MICB: variants seen among roughly 807,000 people sequenced by gnomAD.
MICB encodes the protein MHC class I polypeptide-related sequence B.
MICB carries 27 observed loss-of-function variants against 34.3 expected under a neutral mutation model. The ratio of observed to expected loss-of-function variants is 0.79; its 90% CI spans 0.58 to 1.08. The LOEUF (loss-of-function observed/expected upper bound fraction) is 1.08, where lower values mean the gene tolerates loss of function less well. MICB is among the 50% of genes least tolerant of loss of function. MICB has a pLI of 0.00. For missense variants in MICB, 426 were observed against 483.1 expected, an observed-to-expected ratio of 0.88 and a Z score of 1.11; for synonymous variants, 153 against 187.4, an observed-to-expected ratio of 0.82 and a Z score of 1.50.
At chr6:31,505,892 G>C in intron 2 of MICB, 21 bp downstream of exon 2, 1 of 1,574,970 alleles carries the variant, frequency 6.3e-7, no homozygotes, top group Non-Finnish European at 8.6e-7. Flanking sequence ...GCAGGGGCAA[G>C]AGTAATGGGA....
intron 1 of MICB, among the ~76,000 whole-genome samples, chr6:31,500,848 T>C (rs1168301788): frequency 1.3e-5 from 2 of 152,242 alleles, no homozygotes; most frequent in African/African-American, 2.4e-5. Flanking sequence ...CTTAGGTCGC[T>C]TGCAGATCTT....
At position 31,506,279 on chromosome 6, in the gene MICB, G is replaced by A. The variant is rs770474759; in HGVS notation, c.462G>A (p.Gln154=). 4.3e-6 allele frequency: 7 copies of A among 1,614,112 alleles called. No homozygotes were observed. The East Asian group carries it at 8.9e-5, about 21-fold the overall frequency. The change falls in exon 3 of 6, where the codon CAG becomes CAA. Residue 154 remains glutamine (Q), a synonymous_variant. Coordinates refer to ENST00000252229, the MANE Select transcript of MICB (RefSeq NM_005931.5). Reference sequence around the variant, plus strand: ...AGACTCAAGAATCGACAGTGCCCCAGTCCTCCAGAGCTCAGACCTTGGCTA... The same window carrying A: ...AGACTCAAGAATCGACAGTGCCCCAATCCTCCAGAGCTCAGACCTTGGCTA... ...NLETQESTVP[Q]SSRAQTLAMN...
chr6:31,507,498 T>G lies in MICB; in HGVS notation c.991T>G (p.Cys331Gly). 1 of 1,614,228 alleles carries G rather than the reference T, an allele frequency of 6.2e-7. No homozygotes were observed. The highest frequency in any genetic ancestry group is 2.2e-5 in the East Asian group (1 of 44,894). ...TATTATTATTCTCTGTGTCCCTTGT[T>G]GCAAGAAGAAAACATCAGCGGCAGA... ...VIIIILCVPC[C>G]KKKTSAAEGP... Residue 331 changes from cysteine (C) to glycine (G), a missense_variant, in exon 5 of 6, where the codon TGC becomes GGC. By Grantham distance (159) the Cys-to-Gly change is radical (BLOSUM62 -3). Transcript: ENST00000252229. This position sits in a 1 kb window ranked among gnomAD's most constrained non-coding sequence, Gnocchi z 6.0.
chr6:31,505,662 G>A lies in MICB; in HGVS notation c.116G>A (p.Gly39Glu), dbSNP rs45578846. Residue 39 changes from glycine to glutamate, a missense_variant, in exon 2 of 6, where the codon GGA (glycine) becomes GAA (glutamate). Physicochemically the swap from Gly to Glu is moderately conservative, Grantham distance 98. Transcript: ENST00000252229. ...AACCTCATGGTGCTGTCCCAGGATGGATCTGTGCAGTCAGGGTTTCTCGCT... is the reference window on the plus strand; with the variant it reads ...AACCTCATGGTGCTGTCCCAGGATGAATCTGTGCAGTCAGGGTTTCTCGCT... ...RYNLMVLSQD[G>E]SVQSGFLAEG... 6.2e-7 allele frequency: 1 copy of A among 1,612,916 alleles called. No individual in the cohort carries two copies. Among genetic ancestry groups the A allele is most frequent in the Non-Finnish European group, 8.5e-7 (1 of 1,179,934 alleles).
intron 5 of MICB, among the ~76,000 whole-genome samples, chr6:31,509,456 G>C (rs1236167219): frequency 6.6e-6 from 1 of 152,124 alleles, no homozygotes; most frequent in Non-Finnish European, 1.5e-5. Context: ...TCTCTTTGGG[G>C]AGGCCTCTCA....
intron 1 of MICB, among the ~76,000 whole-genome samples, chr6:31,500,201 T>C (rs1477078038): frequency 6.6e-6 from 1 of 151,916 alleles, no homozygotes; most frequent in African/African-American, 2.4e-5. Flanking sequence ...CCCTCCAGCA[T>C]TACTCCTTTT....
chr6:31,504,154 A>C (rs1039371146), intron 1 of MICB, among the ~76,000 whole-genome samples: 1 of 149,332 alleles, frequency 6.7e-6, no homozygotes, highest in African/African-American at 2.5e-5. Flanking sequence ...TCCCCCACAT[A>C]GCTTCTCATG....
rs774707886 is a variant in MICB at position 31,507,439 on chromosome 6, CAT to C, written c.935_936del (p.Tyr312CysfsTer69). On this transcript the variant is annotated frameshift_variant, in exon 5 of 6. Coordinates refer to ENST00000252229, the MANE Select transcript of MICB (RefSeq NM_005931.5). LOFTEE classifies it high-confidence loss of function. This position sits in a 1 kb window ranked among gnomAD's most constrained non-coding sequence, Gnocchi z 6.0. ...CTTCAGAGTCAACGGACAGACTTTC[CAT>C]ATGTTTCTGCTGCTATGCCATGTTT... 9 of 1,613,984 alleles carry C rather than the reference CAT, an allele frequency of 5.6e-6. No individual in the cohort carries two copies. Among genetic ancestry groups the C allele is most frequent in the African/African-American group, 1.3e-5 (1 of 74,892 alleles).
At position 31,506,348 on chromosome 6, in the gene MICB, GAC is replaced by G; in HGVS notation, c.536_537del (p.His179LeufsTer80). The G allele has an allele frequency of 6.2e-7, 1 of 1,614,208 alleles. No homozygotes were observed. Among genetic ancestry groups the G allele is most frequent in the Non-Finnish European group, 8.5e-7 (1 of 1,180,038 alleles). The stretch of plus-strand genomic sequence containing the variant: ...GGAAGGAAGATGCCATGAAGACCAA[GAC>G]ACACTATCGCGCTATGCAGGCAGAC... ...FWKEDAMKTK[T>X]HYRAMQADCL... On this transcript the variant is annotated frameshift_variant, in exon 3 of 6. Transcript: ENST00000252229. LOFTEE classifies it high-confidence loss of function.
upstream of MICB, among the ~76,000 whole-genome samples, chr6:31,497,315 T>C (rs538118940): frequency 6.6e-6 from 1 of 152,230 alleles, no homozygotes; most frequent in South Asian, 2.1e-4. Context: ...AGAGTCCTTG[T>C]AGATCTGTCA....
chr6:31,506,109 C>G (rs1326352534), intron 2 of MICB, 34 bp from the exon 3 acceptor site: 7 of 1,587,760 alleles, frequency 4.4e-6, no homozygotes, highest in Non-Finnish European at 6.0e-6. Context: ...GTGATGGGTT[C>G]GGGAATGGAG....
chr6:31,494,964 C>CCT (rs9281505), upstream of MICB: 4 of 155,322 alleles, frequency 2.6e-5, no homozygotes, highest in Non-Finnish European at 2.8e-5. Context: ...AGGAGGAAGT[C>CCT]GCCTCTGTGC....
chr6:31,502,222 C>T (rs1224172004), intron 1 of MICB, among the ~76,000 whole-genome samples: 1 of 152,136 alleles, frequency 6.6e-6, no homozygotes, highest in Non-Finnish European at 1.5e-5. Flanking sequence ...GTAATCCCAG[C>T]TACTCAGGAA....
At position 31,504,254 on chromosome 6, in the gene MICB, C is replaced by CTTTTT. The variant is rs9281513; in HGVS notation, c.71-1344_71-1340dup. Among the ~76,000 whole-genome samples the CTTTTT allele has an allele frequency of 6.5e-3, 394 of 60,256 alleles. 38 individuals are homozygous for CTTTTT. The highest frequency in any genetic ancestry group is 0.029 in the Middle Eastern group (1 of 34). The allele number at this position is 60,256 out of a possible 152,430, so 39.5% of individuals were successfully genotyped here. On this transcript the variant is annotated intron_variant, in intron 1 of 5. Transcript: ENST00000252229. The stretch of plus-strand genomic sequence containing the variant: ...TCTGGAAACTAATCTCTCTCTTTTT[C>CTTTTT]TTTTTTTTTTTTTTTTTTTTTTTGA...
At chr6:31,500,911 T>C (rs1031622671) in intron 1 of MICB, among the ~76,000 whole-genome samples, 1 of 150,042 alleles carries the variant, frequency 6.7e-6, no homozygotes, top group African/African-American at 2.5e-5. Flanking sequence ...AGCTCTTTAA[T>C]ATACCGATTT....
In MICB at chr6:31,507,604, C is replaced by G. The variant is rs566742548; in HGVS notation, c.1024+73C>G. 1.3e-6 allele frequency: 2 copies of G among 1,573,748 alleles called. No homozygotes were observed. The highest frequency in any genetic ancestry group is 2.7e-5 in the African/African-American group (2 of 73,848). ...CAGTAGGGTCTCCTCATTGCTCCTG[C>G]CCAGACAAGACGTAGGTGACAAGGC... On this transcript the variant is annotated intron_variant, in intron 5 of 5. Transcript: ENST00000252229. This position sits in a 1 kb window ranked among gnomAD's most constrained non-coding sequence, Gnocchi z 6.0.
Position 31,506,939 on chromosome 6 carries a change from A to G in MICB, c.614-83A>G. 9 of 1,549,830 alleles carry G rather than the reference A, an allele frequency of 5.8e-6. No homozygotes were observed. The South Asian group carries it at 1.1e-4, about 19-fold the overall frequency. Reference sequence around the variant, plus strand: ...CTGTGAGGGATTCAGCCAGAGTGAGAACAGTGGAGAGGAGCAGCCCTGTTC... The same window carrying G: ...CTGTGAGGGATTCAGCCAGAGTGAGGACAGTGGAGAGGAGCAGCCCTGTTC... On this transcript the variant is annotated intron_variant, in intron 3 of 5. Coordinates refer to ENST00000252229, the MANE Select transcript of MICB (RefSeq NM_005931.5).
In MICB at chr6:31,505,888, G is replaced by A. The variant is rs753044488; in HGVS notation, c.325+17G>A. 5.1e-6 allele frequency: 8 copies of A among 1,583,144 alleles called. No individual in the cohort carries two copies. In the African/African-American group the frequency reaches 8.1e-5, roughly 16 times the overall value. The stretch of plus-strand genomic sequence containing the variant: ...AGAAAGGAGGTGAGAGTCGGCAGGG[G>A]CAAGAGTAATGGGAGGCCTTCTCCA... On this transcript the variant is annotated intron_variant, in intron 2 of 5. Transcript: ENST00000252229.
chr6:31,499,981 C>T (rs893541096), intron 1 of MICB, among the ~76,000 whole-genome samples: 1 of 145,506 alleles, frequency 6.9e-6, no homozygotes, highest in Non-Finnish European at 1.5e-5. Flanking sequence ...CCCAAGTTCT[C>T]CCACAGTCAC....
Sources: allele counts gnomAD v4.1 joint callset (sites outside exome capture counted in the v4.1 genomes callset), GRCh38; gene constraint gnomAD v4.1.1; non-coding constraint Gnocchi (gnomAD v3.1); transcripts MANE v1.5; gene names NCBI Gene and HGNC (gene_info 2026-07-23, HGNC 2026-07-21).